PVT1: variants seen among roughly 807,000 people sequenced by gnomAD.
The protein encoded by PVT1 is Pvt1 oncogene.
At chr8:128,014,214 A>G (rs961426863) in intron 4 of PVT1, among the ~76,000 whole-genome samples, 1 of 152,222 alleles carries the variant, frequency 6.6e-6, no homozygotes, top group African/African-American at 2.4e-5. Flanking sequence ...TGGCAGGTGC[A>G]CAGTGGATAC....
chr8:128,048,498 T>G (rs1813647007), intron 4 of PVT1: 2 of 152,206 alleles, frequency 1.3e-5, no homozygotes, highest in Admixed American at 1.3e-4. Flanking sequence ...CCTTCAAGAT[T>G]ACAATGTGTA....
chr8:127,951,270 C>T (rs1816502405), intron 3 of PVT1, among the ~76,000 whole-genome samples: 1 of 152,232 alleles, frequency 6.6e-6, no homozygotes, highest in Admixed American at 6.5e-5. Flanking sequence ...TTTCATCCCA[C>T]CTGCTCCTTC....
chr8:128,090,800 T>C (rs1476050124), intron 5 of PVT1, among the ~76,000 whole-genome samples: 1 of 152,082 alleles, frequency 6.6e-6, no homozygotes, highest in Non-Finnish European at 1.5e-5. Flanking sequence ...GATCATCCAG[T>C]GAGCAGCAGT....
intron 3 of PVT1, among the ~76,000 whole-genome samples, chr8:127,940,715 C>G (rs971725464): frequency 2.0e-5 from 3 of 152,060 alleles, no homozygotes; most frequent in African/African-American, 7.2e-5. Flanking sequence ...GTCCTCCCAC[C>G]TCAGCCTCCA....
At chr8:127,891,531 G>C (rs952514944) in intron 3 of PVT1, among the ~76,000 whole-genome samples, 1 of 152,212 alleles carries the variant, frequency 6.6e-6, no homozygotes, top group Non-Finnish European at 1.5e-5. Context: ...CATGCCTCCA[G>C]GCAGACTGAT....
At chr8:127,817,546 T>TATATATACACAC (rs1280832628) in intron 2 of PVT1, among the ~76,000 whole-genome samples, 1 of 89,950 alleles carries the variant, frequency 1.1e-5, no homozygotes, top group Non-Finnish European at 2.3e-5. Context: ...TATATATATA[T>TATATATACACAC]ACACACACAC....
intron 2 of PVT1, among the ~76,000 whole-genome samples, chr8:127,882,148 T>C (rs1207357783): frequency 1.3e-5 from 2 of 152,232 alleles, no homozygotes; most frequent in Admixed American, 6.5e-5. Context: ...CCTTGGTTCC[T>C]GTGGCTCCCA....
chr8:127,930,034 T>C (rs1816184485), intron 3 of PVT1, among the ~76,000 whole-genome samples: 1 of 152,182 alleles, frequency 6.6e-6, no homozygotes, highest in Non-Finnish European at 1.5e-5. Flanking sequence ...GGGCTTCAGG[T>C]CCACTACTCC....
chr8:127,959,586 GA>G (rs34255005), intron 3 of PVT1, among the ~76,000 whole-genome samples: 21,364 of 76,544 alleles, frequency 0.28, 1,816 homozygotes, highest in Non-Finnish European at 0.34. Flanking sequence ...TCTGTCTCAG[GA>G]AAAAAAAAAA....
intron 3 of PVT1, among the ~76,000 whole-genome samples, chr8:127,928,977 G>A (rs1316794219): frequency 2.6e-5 from 4 of 152,194 alleles, no homozygotes; most frequent in Non-Finnish European, 5.9e-5. Flanking sequence ...TGCACTTCAT[G>A]ATATGCGGCT....
chr8:127,926,527 C>T (rs1032787741), intron 3 of PVT1, among the ~76,000 whole-genome samples: 8 of 152,232 alleles, frequency 5.3e-5, no homozygotes, highest in African/African-American at 1.9e-4. Context: ...GGCTGCTCCT[C>T]CTTGTTTCCA....
chr8:128,092,881 T>A (rs1434159238), intron 5 of PVT1, among the ~76,000 whole-genome samples: 1 of 152,304 alleles, frequency 6.6e-6, no homozygotes, highest in African/African-American at 2.4e-5. Flanking sequence ...TGCCATCTAT[T>A]CAGTCTTCCA....
intron 4 of PVT1, among the ~76,000 whole-genome samples, chr8:127,999,753 C>T (rs985027750): frequency 9.2e-5 from 14 of 152,240 alleles, no homozygotes; most frequent in African/African-American, 3.1e-4. Flanking sequence ...TGAGTCACCA[C>T]GCCCGGCCCC....
At chr8:127,924,574 C>T (rs781354762) in intron 3 of PVT1, among the ~76,000 whole-genome samples, 43 of 147,328 alleles carry the variant, frequency 2.9e-4, no homozygotes, top group South Asian at 6.5e-4. Context: ...TGCAGTGGCT[C>T]GATGTCGGCT....
intron 4 of PVT1, among the ~76,000 whole-genome samples, chr8:128,058,488 A>G (rs1236078192): frequency 6.6e-6 from 1 of 152,018 alleles, no homozygotes; most frequent in Non-Finnish European, 1.5e-5. Context: ...CTTTGACATC[A>G]TCATGTGTAC....
chr8:127,987,463 G>A (rs1816982683), intron 3 of PVT1, among the ~76,000 whole-genome samples: 1 of 152,234 alleles, frequency 6.6e-6, no homozygotes, highest in Admixed American at 6.5e-5. Context: ...GATAGAAAGA[G>A]GGGAGGCCTT....
intron 6 of PVT1, among the ~76,000 whole-genome samples, chr8:128,098,054 T>C (rs898905151): frequency 2.6e-5 from 4 of 152,154 alleles, no homozygotes; most frequent in Non-Finnish European, 4.4e-5. Flanking sequence ...CCTGAAGTTC[T>C]TCCCCTCTCT....
intron 2 of PVT1, among the ~76,000 whole-genome samples, chr8:127,847,079 T>G (rs1815044141): frequency 1.4e-5 from 2 of 146,764 alleles, no homozygotes; most frequent in Admixed American, 7.0e-5. Flanking sequence ...CTCAGCTCAC[T>G]GCAACCTCCG....
At chr8:128,094,575 G>A (rs539586066) in intron 5 of PVT1, among the ~76,000 whole-genome samples, 1 of 152,212 alleles carries the variant, frequency 6.6e-6, no homozygotes, top group African/African-American at 2.4e-5. Flanking sequence ...AAAAAATTTT[G>A]TGCTGATCCT....
Sources: gnomAD v4.1 joint callset for allele counts (sites outside exome capture counted in the v4.1 genomes callset) on GRCh38, gnomAD v4.1.1 for gene constraint, MANE v1.5 for transcripts, NCBI Gene and HGNC (gene_info 2026-07-23, HGNC 2026-07-21) for gene names.